Variants in SPAG16 observed in about 807,000 individuals in gnomAD.
SPAG16 encodes the protein sperm associated antigen 16.
In SPAG16, 86 loss-of-function variants were observed where a neutral mutation model predicts 80.4. That is an observed-to-expected ratio of 1.07 (90% CI 0.90 to 1.28). The LOEUF is 1.28. Among genes scored for constraint, SPAG16 ranks in the 50% most tolerant of loss-of-function variants. The pLI, the probability that SPAG16 is intolerant of heterozygous loss-of-function variation, is 0.00. For missense variants in SPAG16, 870 were observed against 765.3 expected (o/e 1.14, Z -1.61); for synonymous variants, 294 against 265.9 (o/e 1.11, Z -1.03).
intron 13 of SPAG16, among the ~76,000 whole-genome samples, chr2:214,053,861 G>T (rs920616819): frequency 9.9e-5 from 15 of 152,152 alleles, no homozygotes; most frequent in Admixed American, 8.5e-4. Flanking sequence ...AAGTTTAAAA[G>T]TCCTTTGCAA....
rs557595884 is a variant in SPAG16, at chr2:213,450,919, G to A, written c.943-39044G>A. ...ATGCTTTGTGAAAGAGTCTATTAAA[G>A]TTTACCACATTTGATGAGTTTTGTT... On this transcript the variant is annotated intron_variant, in intron 9 of 15. Coordinates refer to ENST00000331683, the MANE Select transcript of SPAG16 (RefSeq NM_024532.5). Among the ~76,000 whole-genome samples, 4 of 152,222 alleles carry A rather than the reference G, an allele frequency of 2.6e-5. No homozygotes were observed. In the South Asian group the frequency reaches 8.3e-4, roughly 32 times the overall value.
At chr2:213,672,859 G>GTTTTTTTTTTTTTTTTT (rs750046794) in intron 10 of SPAG16, among the ~76,000 whole-genome samples, 2 of 124,422 alleles carry the variant, frequency 1.6e-5, no homozygotes, top group Non-Finnish European at 3.5e-5. Flanking sequence ...TATTTTGTTT[G>GTTTTTTTTTTTTTTTTT]TTTTTTTTTT....
At chr2:214,136,731 G>A (rs1015510713) in intron 14 of SPAG16, among the ~76,000 whole-genome samples, 2 of 152,012 alleles carry the variant, frequency 1.3e-5, no homozygotes, top group African/African-American at 4.8e-5. Context: ...TAATTTATTT[G>A]CTTTATTTGT....
At chr2:213,962,269 C>T (rs931888764) in intron 12 of SPAG16, among the ~76,000 whole-genome samples, 2 of 151,384 alleles carry the variant, frequency 1.3e-5, no homozygotes. Context: ...TCTCGGCTCA[C>T]TGCAAGCTCG....
intron 7 of SPAG16, among the ~76,000 whole-genome samples, chr2:213,357,584 CT>C (rs993036122): frequency 1.3e-5 from 2 of 151,850 alleles, no homozygotes; most frequent in Non-Finnish European, 2.9e-5. Context: ...GCAACCCCTG[CT>C]TTTTTTTGCT....
chr2:213,957,453 C>T (rs1218425599), intron 12 of SPAG16, among the ~76,000 whole-genome samples: 1 of 147,544 alleles, frequency 6.8e-6, no homozygotes, highest in Non-Finnish European at 1.5e-5. Flanking sequence ...TTTGCATGAA[C>T]TTTTTTTTTT....
chr2:214,042,037 T>C (rs1258076535), intron 13 of SPAG16, among the ~76,000 whole-genome samples: 1 of 144,744 alleles, frequency 6.9e-6, no homozygotes, highest in Middle Eastern at 3.3e-3. Context: ...TACACAAACA[T>C]GTAATAAGTG....
At chr2:213,492,844 A>G (rs2074323722) in intron 10 of SPAG16, among the ~76,000 whole-genome samples, 1 of 152,200 alleles carries the variant, frequency 6.6e-6, no homozygotes, top group Non-Finnish European at 1.5e-5. Context: ...TGGAAATAAT[A>G]TCAATAACAA....
chr2:213,534,109 C>A (rs2076162300), intron 10 of SPAG16, among the ~76,000 whole-genome samples: 1 of 152,032 alleles, frequency 6.6e-6, no homozygotes, highest in South Asian at 2.1e-4. Flanking sequence ...TTGTATGTAA[C>A]CTGATCATTC....
intron 9 of SPAG16, among the ~76,000 whole-genome samples, chr2:213,376,801 G>C (rs767434734): frequency 6.6e-6 from 1 of 152,186 alleles, no homozygotes; most frequent in African/African-American, 2.4e-5. Context: ...CCCATAAACA[G>C]CCTTTAAATG....
chr2:213,607,011 G>A (rs962449209), intron 10 of SPAG16, among the ~76,000 whole-genome samples: 1 of 152,192 alleles, frequency 6.6e-6, no homozygotes. Flanking sequence ...AAATCAGCTG[G>A]AGAAGTTTAT....
intron 9 of SPAG16, among the ~76,000 whole-genome samples, chr2:213,380,760 C>T (rs534820786): frequency 3.9e-5 from 6 of 152,288 alleles, no homozygotes; most frequent in African/African-American, 1.4e-4. Flanking sequence ...CTGTGATTCA[C>T]CTATGGAGGC....
intron 15 of SPAG16, among the ~76,000 whole-genome samples, chr2:214,394,155 G>A (rs1180728388): frequency 1.3e-5 from 2 of 152,040 alleles, no homozygotes; most frequent in African/African-American, 4.8e-5. Context: ...CTTTGTCTCT[G>A]TCTCTTTCTG....
intron 10 of SPAG16, among the ~76,000 whole-genome samples, chr2:213,642,537 T>C (rs1450093302): frequency 1.3e-5 from 2 of 151,900 alleles, no homozygotes; most frequent in Non-Finnish European, 2.9e-5. Context: ...GCAGACCCAC[T>C]CTTAATCTGA....
intron 7 of SPAG16, among the ~76,000 whole-genome samples, chr2:213,357,579 C>T (rs887578481): frequency 6.6e-6 from 1 of 152,014 alleles, no homozygotes; most frequent in East Asian, 1.9e-4. Context: ...GGATTGCAAC[C>T]CCTGCTTTTT....
intron 10 of SPAG16, among the ~76,000 whole-genome samples, chr2:213,763,489 A>G (rs2068769783): frequency 6.6e-6 from 1 of 152,176 alleles, no homozygotes; most frequent in South Asian, 2.1e-4. Context: ...AAACTCATAG[A>G]AGCAGAAACT....
chr2:213,489,939 C>T, intron 9 of SPAG16, 24 bp from the exon 10 acceptor site: 1 of 1,579,066 alleles, frequency 6.3e-7, no homozygotes, highest in Non-Finnish European at 8.6e-7. Flanking sequence ...TAACACAGAG[C>T]TCTTGTTTAA....
intron 10 of SPAG16, among the ~76,000 whole-genome samples, chr2:213,713,534 A>G (rs1482525600): frequency 6.6e-6 from 1 of 152,192 alleles, no homozygotes; most frequent in East Asian, 1.9e-4. Flanking sequence ...CTACAAAAGA[A>G]AAAACAAACA....
At chr2:214,137,045 T>G (rs1236710903) in intron 14 of SPAG16, among the ~76,000 whole-genome samples, 1 of 152,158 alleles carries the variant, frequency 6.6e-6, no homozygotes, top group Non-Finnish European at 1.5e-5. Flanking sequence ...ACTTGACAGG[T>G]ACTGTGTGTG....
Sources: allele counts gnomAD v4.1 joint callset (sites outside exome capture counted in the v4.1 genomes callset), GRCh38; gene constraint gnomAD v4.1.1; transcripts MANE v1.5; gene names NCBI Gene and HGNC (gene_info 2026-07-23, HGNC 2026-07-21).